The following MARCHF8 variants were observed in gnomAD, a reference collection of about 807,000 sequenced individuals.
The protein encoded by MARCHF8 is membrane associated ring-CH-type finger 8, also known as E3 ubiquitin-protein ligase MARCHF8.
MARCHF8 carries 40 observed loss-of-function variants against 51.6 expected under a neutral mutation model. The observed-to-expected ratio is 0.77, with a 90% CI of 0.60 to 1.01. The LOEUF (loss-of-function observed/expected upper bound fraction) is 1.01. Among genes scored for constraint, MARCHF8 ranks in the 50% least tolerant of loss-of-function variants. The probability of loss-of-function intolerance (pLI) is 0.00; values close to 1 mark genes in which losing one functional copy is unlikely to be tolerated. For missense variants in MARCHF8, 685 were observed against 708.6 expected, an observed-to-expected ratio of 0.97 and a Z score of 0.38; for synonymous variants, 263 against 280.3, an observed-to-expected ratio of 0.94 and a Z score of 0.62.
intron 2 of MARCHF8, among the ~76,000 whole-genome samples, chr10:45,498,082 A>G (rs1173386683): frequency 3.3e-5 from 5 of 152,226 alleles, no homozygotes; most frequent in Non-Finnish European, 7.3e-5. Flanking sequence ...CTAAATTTTA[A>G]CAGCAATTCT....
chr10:45,458,581 A>C (rs1842685784), intron 7 of MARCHF8, 38 bp from the exon 8 acceptor site: 3 of 1,526,716 alleles, frequency 2.0e-6, no homozygotes, highest in Admixed American at 4.5e-5. Flanking sequence ...ATTTTATTTA[A>C]GATATGAAGT....
chr10:45,461,479 C>A (rs1842784269), intron 5 of MARCHF8, 68 bp from the exon 6 acceptor site: 2 of 1,340,282 alleles, frequency 1.5e-6, no homozygotes, highest in Admixed American at 2.9e-5. Flanking sequence ...ACTTCAGTGG[C>A]AGGTTAATCC....
chr10:45,533,112 G>C lies in MARCHF8; in HGVS notation c.100C>G (p.Gln34Glu). The C allele has an allele frequency of 1.2e-6, 2 of 1,604,146 alleles. No homozygotes were observed. The highest frequency in any genetic ancestry group is 1.7e-6 in the Non-Finnish European group (2 of 1,176,748). Residue 34 changes from glutamine to glutamate, a missense_variant and splice_region_variant, in exon 2 of 8, where the codon CAG becomes GAG. Physicochemically the swap from Gln to Glu is conservative, Grantham distance 29. Transcript: ENST00000453424. ...TAAAAAAGATACTCTCCCAGTACCT[G>C]TTCTTCCCTCTCCTTTTCTTTGGTC... is the stretch of plus-strand genomic sequence containing the variant. ...SKTKEKEREE[Q>E]NEKTLGHFMS...
intron 3 of MARCHF8, among the ~76,000 whole-genome samples, chr10:45,482,129 G>A (rs1314220194): frequency 6.6e-6 from 1 of 152,088 alleles, no homozygotes; most frequent in African/African-American, 2.4e-5. Flanking sequence ...GGCGTTGCAA[G>A]GAAAACTACA....
At chr10:45,579,763 C>T (rs2044531773) in intron 1 of MARCHF8, among the ~76,000 whole-genome samples, 1 of 152,042 alleles carries the variant, frequency 6.6e-6, no homozygotes, top group Admixed American at 6.6e-5. Context: ...CCTATAATCC[C>T]AGCACTTTGG....
chr10:45,571,973 T>C (rs772664245), intron 1 of MARCHF8, among the ~76,000 whole-genome samples: 35 of 152,142 alleles, frequency 2.3e-4, no homozygotes, highest in Non-Finnish European at 4.7e-4. Context: ...CCACATTTCA[T>C]TGGTGTCTTA....
At chr10:45,460,918 T>C (rs1842764688) in intron 6 of MARCHF8, among the ~76,000 whole-genome samples, 1 of 152,188 alleles carries the variant, frequency 6.6e-6, no homozygotes, top group East Asian at 1.9e-4. Flanking sequence ...ACAGTTAATA[T>C]GTATAAAATT....
At chr10:45,479,814 T>C (rs758982466) in intron 3 of MARCHF8, among the ~76,000 whole-genome samples, 2 of 152,180 alleles carry the variant, frequency 1.3e-5, no homozygotes, top group Non-Finnish European at 2.9e-5. Flanking sequence ...AACAGACCAA[T>C]ACAGTAAATT....
At chr10:45,505,735 T>G (rs1373140689) in intron 2 of MARCHF8, among the ~76,000 whole-genome samples, 1 of 152,230 alleles carries the variant, frequency 6.6e-6, no homozygotes, top group African/African-American at 2.4e-5. Context: ...TTTATAAAAA[T>G]CTCTAATCTT....
chr10:45,458,659 G>A (rs1225240101), intron 7 of MARCHF8, 116 bp from the exon 8 acceptor site: 1 of 1,135,942 alleles, frequency 8.8e-7, no homozygotes, highest in African/African-American at 1.6e-5. Flanking sequence ...TGTTTTTTAA[G>A]AGATGGAGTC....
Position 45,466,432 on chromosome 10 carries a change from C to T in MARCHF8, c.154-2105G>A, listed in dbSNP as rs186891999. ...AAGTAAGCGTCTTCATCACCTGTCC[C>T]CAGGTAGACTTTGAGGAAGAAATAC... On this transcript the variant is annotated intron_variant, in intron 3 of 7. Transcript: ENST00000453424. 1.7e-3 allele frequency among the ~76,000 whole-genome samples: 265 copies of T among 152,296 alleles called. 3 individuals carry two copies. Among genetic ancestry groups the T allele is most frequent in the African/African-American group, 5.3e-3 (220 of 41,562 alleles).
chr10:45,521,024 TA>T (rs920839390), intron 2 of MARCHF8, among the ~76,000 whole-genome samples: 23 of 152,094 alleles, frequency 1.5e-4, no homozygotes, highest in South Asian at 4.2e-4. Flanking sequence ...TGTGAACAGC[TA>T]AAAAAAATAA....
chr10:45,474,830 C>A (rs1204239893), intron 3 of MARCHF8, among the ~76,000 whole-genome samples: 2 of 152,136 alleles, frequency 1.3e-5, no homozygotes, highest in African/African-American at 4.8e-5. Context: ...AGCGAGCGAT[C>A]CCCAGCGGTC....
At chr10:45,480,079 A>C (rs1172772845) in intron 3 of MARCHF8, among the ~76,000 whole-genome samples, 4 of 151,944 alleles carry the variant, frequency 2.6e-5, no homozygotes, top group African/African-American at 9.7e-5. Flanking sequence ...AGTAAAGGTG[A>C]CTCTTGCTAT....
chr10:45,460,062 A>G (rs1168242358), intron 6 of MARCHF8, among the ~76,000 whole-genome samples: 1 of 152,176 alleles, frequency 6.6e-6, no homozygotes, highest in Non-Finnish European at 1.5e-5. Context: ...GGCACCCAAT[A>G]AATTACAAGG....
upstream of MARCHF8, among the ~76,000 whole-genome samples, chr10:45,537,063 G>A (rs2043983063): frequency 6.6e-6 from 1 of 151,930 alleles, no homozygotes; most frequent in Non-Finnish European, 1.5e-5. Context: ...CAGTCGTTTT[G>A]AAAAATAGTC....
chr10:45,589,635 C>T (rs1171254623), intron 1 of MARCHF8, among the ~76,000 whole-genome samples: 1 of 152,060 alleles, frequency 6.6e-6, no homozygotes, highest in Non-Finnish European at 1.5e-5. Context: ...TATTTGTATT[C>T]TGGACATTCC....
At chr10:45,481,141 C>T (rs1221069075) in intron 3 of MARCHF8, among the ~76,000 whole-genome samples, 1 of 152,184 alleles carries the variant, frequency 6.6e-6, no homozygotes, top group African/African-American at 2.4e-5. Context: ...TTACATGGGG[C>T]CTTTAGCCCC....
chr10:45,481,707 T>C (rs1186484457), intron 3 of MARCHF8, among the ~76,000 whole-genome samples: 1 of 152,218 alleles, frequency 6.6e-6, no homozygotes, highest in Non-Finnish European at 1.5e-5. Context: ...TCATTAAACC[T>C]CTTTTTCTTT....
Sources: allele counts gnomAD v4.1 joint callset (sites outside exome capture counted in the v4.1 genomes callset), GRCh38; gene constraint gnomAD v4.1.1; transcripts MANE v1.5; gene names NCBI Gene and HGNC (gene_info 2026-07-23, HGNC 2026-07-21).